QTMAN: variants seen among roughly 807,000 people sequenced by gnomAD.
QTMAN encodes the protein tRNA-queuosine alpha-mannosyltransferase.
the QTMAN span, among the ~76,000 whole-genome samples, chr2:144,144,049 A>G: frequency 6.6e-6 from 1 of 151,988 alleles, no homozygotes; most frequent in Non-Finnish European, 1.5e-5. Context: ...CTGATGATGA[A>G]GTACACTTCT....
the QTMAN span, among the ~76,000 whole-genome samples, chr2:144,046,603 A>C: frequency 1.3e-5 from 2 of 152,210 alleles, no homozygotes; most frequent in African/African-American, 4.8e-5. Context: ...AATGAGATAC[A>C]ACATAAAACC....
the QTMAN span, among the ~76,000 whole-genome samples, chr2:144,155,689 T>C: frequency 1.3e-5 from 2 of 152,166 alleles, no homozygotes; most frequent in South Asian, 2.1e-4. Flanking sequence ...AAGGACCTAC[T>C]GACCAGTCAA....
At chr2:144,250,464 T>C in the QTMAN span, among the ~76,000 whole-genome samples, 1 of 152,074 alleles carries the variant, frequency 6.6e-6, no homozygotes, top group Admixed American at 6.6e-5. Flanking sequence ...TTAAAATGGG[T>C]AGTTTAAGTA....
At chr2:144,280,977 A>G in the QTMAN span, among the ~76,000 whole-genome samples, 1 of 151,808 alleles carries the variant, frequency 6.6e-6, no homozygotes, top group African/African-American at 2.4e-5. Flanking sequence ...TTACATACGT[A>G]TACATGTGCC....
chr2:144,015,893 T>C, the QTMAN span, among the ~76,000 whole-genome samples: 1 of 152,190 alleles, frequency 6.6e-6, no homozygotes, highest in Non-Finnish European at 1.5e-5. Context: ...TTCTAATCTG[T>C]AAAATAGGAT....
chr2:144,044,236 T>TA, the QTMAN span, among the ~76,000 whole-genome samples: 6 of 151,958 alleles, frequency 3.9e-5, no homozygotes, highest in Admixed American at 6.6e-5. Flanking sequence ...TTACCATGCT[T>TA]AAAAAAAATA....
the QTMAN span, among the ~76,000 whole-genome samples, chr2:144,144,190 G>C: frequency 6.6e-6 from 1 of 151,888 alleles, no homozygotes; most frequent in African/African-American, 2.4e-5. Flanking sequence ...GGAATCGAGA[G>C]CTGAATTGTT....
At chr2:143,951,162 T>G in the QTMAN span, 1 of 151,924 alleles carries the variant, frequency 6.6e-6, no homozygotes, top group Non-Finnish European at 1.5e-5. Flanking sequence ...TGTTAGATTA[T>G]AAAACTGCTA....
the QTMAN span, among the ~76,000 whole-genome samples, chr2:143,969,493 C>T: frequency 2.8e-3 from 427 of 152,320 alleles, 2 homozygotes; most frequent in African/African-American, 9.9e-3. Flanking sequence ...ACAACAGATA[C>T]AGTACCTGTC....
chr2:144,131,306 A>C, the QTMAN span, among the ~76,000 whole-genome samples: 1 of 151,818 alleles, frequency 6.6e-6, no homozygotes, highest in Admixed American at 6.6e-5. Context: ...TATAATCAAT[A>C]CTTCGAAATC....
At chr2:144,122,854 C>T in the QTMAN span, among the ~76,000 whole-genome samples, 2 of 152,220 alleles carry the variant, frequency 1.3e-5, no homozygotes, top group East Asian at 1.9e-4. Context: ...ATTTTTGAAA[C>T]TTCCACAAGA....
chr2:144,067,995 A>G, the QTMAN span, among the ~76,000 whole-genome samples: 3 of 152,232 alleles, frequency 2.0e-5, no homozygotes, highest in Non-Finnish European at 4.4e-5. Flanking sequence ...CCAGGATAAT[A>G]TGCCAAAGAG....
chr2:143,985,504 G>A, the QTMAN span, among the ~76,000 whole-genome samples: 1 of 152,158 alleles, frequency 6.6e-6, no homozygotes, highest in African/African-American at 2.4e-5. Context: ...CATGTTCATG[G>A]AATAAAGTGG....
At chr2:144,305,531 T>C in the QTMAN span, among the ~76,000 whole-genome samples, 1 of 152,224 alleles carries the variant, frequency 6.6e-6, no homozygotes, top group East Asian at 1.9e-4. Context: ...AATCAAGAAC[T>C]GTGACTCCTT....
chr2:143,982,126 G>A, the QTMAN span, among the ~76,000 whole-genome samples: 1 of 152,152 alleles, frequency 6.6e-6, no homozygotes, highest in African/African-American at 2.4e-5. Context: ...TACACTGCTC[G>A]AGAAAAGGTT....
the QTMAN span, among the ~76,000 whole-genome samples, chr2:143,973,479 G>T: frequency 6.6e-6 from 1 of 152,002 alleles, no homozygotes; most frequent in Non-Finnish European, 1.5e-5. Flanking sequence ...GAAAAAATTT[G>T]GGGTTTTCTT....
At chr2:144,282,542 G>A in the QTMAN span, among the ~76,000 whole-genome samples, 17 of 152,018 alleles carry the variant, frequency 1.1e-4, no homozygotes, top group Non-Finnish European at 1.8e-4. Context: ...CTAGGGAAAG[G>A]AGAATGGAAT....
the QTMAN span, among the ~76,000 whole-genome samples, chr2:144,180,549 T>A: frequency 0.085 from 12,955 of 152,248 alleles, 1,160 homozygotes; most frequent in African/African-American, 0.23. Context: ...GTATTTTTGA[T>A]GAAGCTAAAT....
chr2:143,948,953 A>T, the QTMAN span, among the ~76,000 whole-genome samples: 1 of 152,154 alleles, frequency 6.6e-6, no homozygotes, highest in Non-Finnish European at 1.5e-5. Flanking sequence ...TCGACAATAC[A>T]AGTTTATAGT....
Sources: gnomAD v4.1 joint callset for allele counts (sites outside exome capture counted in the v4.1 genomes callset) on GRCh38, gnomAD v4.1.1 for gene constraint, MANE v1.5 for transcripts, NCBI Gene and HGNC (gene_info 2026-07-23, HGNC 2026-07-21) for gene names.